The following CARMIL2 variants were observed in gnomAD, a reference collection of about 807,000 sequenced individuals.
CARMIL2 encodes capping protein, Arp2/3 and myosin-I linker protein 2.
CARMIL2 carries 96 observed loss-of-function variants against 173.3 expected under a neutral mutation model. The observed-to-expected ratio is 0.55, with a 90% CI of 0.47 to 0.66. The LOEUF (loss-of-function observed/expected upper bound fraction) is 0.66, where lower values mean the gene tolerates loss of function less well. Ranked by LOEUF, CARMIL2 falls within the 30% of genes least tolerant of loss-of-function variation. The probability of loss-of-function intolerance (pLI) is 0.00; values close to 1 mark genes in which losing one functional copy is unlikely to be tolerated. For synonymous variants in CARMIL2, 830 were observed against 817.1 expected, an observed-to-expected ratio of 1.02 and a Z score of -0.27; for missense variants, 1,771 against 1,906.7, an observed-to-expected ratio of 0.93 and a Z score of 1.33.
chr16:67,654,617 A>G lies in CARMIL2; in HGVS notation c.3507A>G (p.Thr1169=), dbSNP rs769952013. Residue 1169 remains threonine (T), a synonymous_variant, in exon 31 of 38, where the codon ACA becomes ACG. Coordinates refer to ENST00000334583, the MANE Select transcript of CARMIL2 (RefSeq NM_001013838.3). ...CCGGCAGGAGCCGACCTCGCTACAC[A>G]AGAGATAGCAAGGCCTACTCGATGA... ...DPAGRSRPRY[T]RDSKAYSMIL... The G allele has an allele frequency of 6.3e-7, 1 of 1,599,944 alleles. No homozygotes were observed. The highest frequency in any genetic ancestry group is 8.5e-7 in the Non-Finnish European group (1 of 1,172,462).
chr16:67,655,081 C>T (rs2052815656), intron 32 of CARMIL2, among the ~76,000 whole-genome samples, 181 bp downstream of exon 32: 1 of 152,244 alleles, frequency 6.6e-6, no homozygotes, highest in African/African-American at 2.4e-5. Flanking sequence ...AGGCACAGGC[C>T]ACCAGCATCT....
At position 67,657,503 on chromosome 16, in the gene CARMIL2, C is replaced by T. The variant is rs537033041; in HGVS notation, c.4293C>T (p.Gly1431=). The T allele has an allele frequency of 1.9e-5, 30 of 1,612,830 alleles. No homozygotes were observed. The Admixed American group carries it at 2.5e-4, about 13-fold the overall frequency. Residue 1431 remains glycine, a synonymous_variant, in exon 38 of 38, where the codon GGC becomes GGT. Coordinates refer to ENST00000334583, the MANE Select transcript of CARMIL2 (RefSeq NM_001013838.3). This position sits in a 1 kb window ranked among gnomAD's most constrained non-coding sequence, Gnocchi z 4.5. ...PPSPATDQRG[G]GPNP The stretch of plus-strand genomic sequence containing the variant: ...CCCCAGCCACAGACCAAAGAGGCGG[C>T]GGCCCCAATCCCTGATCCTCTCCTC...
chr16:67,645,311 C>G, intron 1 of CARMIL2, 25 bp downstream of exon 1: 1 of 1,594,318 alleles, frequency 6.3e-7, no homozygotes, highest in Non-Finnish European at 8.5e-7. Flanking sequence ...TTCCTGCCTT[C>G]TTGGCCGGGA....
In CARMIL2 at chr16:67,648,573, C is replaced by G; in HGVS notation, c.1439+71C>G. 1 of 1,469,652 alleles carries G rather than the reference C, an allele frequency of 6.8e-7. No individual in the cohort carries two copies. The highest frequency in any genetic ancestry group is 1.2e-5 in the South Asian group (1 of 80,260). The allele number at this position is 1,469,652 out of a possible 1,614,324, so 91.0% of individuals were successfully genotyped here. ...GCCCTGGCCTTCGCCCCTCCCCGCT[C>G]CTGCTTCTGTCGCTCCCACAACCTC... On this transcript the variant is annotated intron_variant, in intron 15 of 37. Transcript: ENST00000334583. The surrounding 1 kb of genome is among the most constrained non-coding windows in gnomAD (Gnocchi z 6.1).
At chr16:67,645,975 C>CG (rs1567626215) in intron 3 of CARMIL2, 43 bp from the exon 4 acceptor site, 13 of 1,610,018 alleles carry the variant, frequency 8.1e-6, no homozygotes, top group Non-Finnish European at 1.1e-5. Context: ...TCCATGAGGG[C>CG]GGGGCTGGGG....
rs752664066 is a variant in CARMIL2 at position 67,654,329 on chromosome 16, C to T, written c.3222-3C>T. On this transcript the variant is annotated splice_region_variant and splice_polypyrimidine_tract_variant and intron_variant, in intron 30 of 37. Coordinates refer to ENST00000334583, the MANE Select transcript of CARMIL2 (RefSeq NM_001013838.3). ...TCTCGCTCACTGCTGGGTGTCCCCA[C>T]AGCTGGGCCCCCGAGGAGGACCCGG... 1 of 1,589,964 alleles carries T rather than the reference C, an allele frequency of 6.3e-7. No homozygotes were observed. The highest frequency in any genetic ancestry group is 2.3e-5 in the East Asian group (1 of 43,922).
Position 67,653,035 on chromosome 16 carries a change from G to A in CARMIL2, c.2901G>A (p.Ala967=). 2 of 1,269,284 alleles carry A rather than the reference G, an allele frequency of 1.6e-6. No individual in the cohort carries two copies. The highest frequency in any genetic ancestry group is 2.0e-6 in the Non-Finnish European group (2 of 995,000). The allele number at this position is 1,269,284 out of a possible 1,614,324, so 78.6% of individuals were successfully genotyped here. A position where few individuals can be genotyped will look rare whatever the true frequency, so the allele number is the denominator to read the frequency against. The stretch of plus-strand genomic sequence containing the variant: ...TCCCCTCAGGTGCTGCTGAGGAAGC[G>A]GAGCCGGAGCCCGAGCTGGCGGCTC... ...VPFIHSAAEE[A]EPEPELAAPG... The change falls in exon 29 of 38, where the codon GCG becomes GCA. Residue 967 remains alanine, a synonymous_variant. Transcript: ENST00000334583. The surrounding 1 kb of genome is among the most constrained non-coding windows in gnomAD (Gnocchi z 7.4).
rs745481138 is a variant in CARMIL2 at position 67,646,787 on chromosome 16, G to A, written c.537+3G>A. 8 of 1,613,970 alleles carry A rather than the reference G, an allele frequency of 5.0e-6. No homozygotes were observed. In the East Asian group the frequency reaches 1.3e-4, roughly 27 times the overall value. The stretch of plus-strand genomic sequence containing the variant: ...CTTTCCGAGAGGAGATTCAGTGGGT[G>A]AGGGTAGGGCCCTTTTGAAGGGCTC... On this transcript the variant is annotated splice_donor_region_variant and intron_variant, in intron 7 of 37. Coordinates refer to ENST00000334583, the MANE Select transcript of CARMIL2 (RefSeq NM_001013838.3). The surrounding 1 kb of genome is among the most constrained non-coding windows in gnomAD (Gnocchi z 4.6).
chr16:67,646,941 C>T lies in CARMIL2; in HGVS notation c.579C>T (p.Phe193=). Residue 193 remains phenylalanine (F), a synonymous_variant, in exon 8 of 38, where the codon TTC becomes TTT. Transcript: ENST00000334583. The surrounding 1 kb of genome is among the most constrained non-coding windows in gnomAD (Gnocchi z 4.6). ...TIYHRQGCRH[F]SLGDFSHLGS... Reference sequence around the variant, plus strand: ...ACCATCGCCAGGGCTGCCGCCATTTCAGCCTGGGAGACTTCAGCCACCTCG... The same window carrying T: ...ACCATCGCCAGGGCTGCCGCCATTTTAGCCTGGGAGACTTCAGCCACCTCG... The T allele has an allele frequency of 6.2e-7, 1 of 1,613,756 alleles. No homozygotes were observed. Among genetic ancestry groups the T allele is most frequent in the Non-Finnish European group, 8.5e-7 (1 of 1,179,874 alleles).
chr16:67,651,829 G>T lies in CARMIL2; in HGVS notation c.2572G>T (p.Ala858Ser). Residue 858 changes from alanine to serine, a missense_variant, in exon 25 of 38, where the codon GCC becomes TCC. By Grantham distance (99) the Ala-to-Ser change is moderately conservative. Coordinates refer to ENST00000334583, the MANE Select transcript of CARMIL2 (RefSeq NM_001013838.3). The surrounding 1 kb of genome is among the most constrained non-coding windows in gnomAD (Gnocchi z 4.2). Reference sequence around the variant, plus strand: ...GCTCCCAGAGCAGCTGCTGCAAGATGCCTTCACTAGGCTCAGGTAGGCTGG... The same window carrying T: ...GCTCCCAGAGCAGCTGCTGCAAGATTCCTTCACTAGGCTCAGGTAGGCTGG... ...ELLPEQLLQD[A>S]FTRLRDMRLS... 1.2e-6 allele frequency: 2 copies of T among 1,612,328 alleles called. No homozygotes were observed. Among genetic ancestry groups the T allele is most frequent in the Non-Finnish European group, 1.7e-6 (2 of 1,179,566 alleles).
Position 67,651,237 on chromosome 16 carries a change from C to G in CARMIL2, c.2235C>G (p.Gly745=). The G allele has an allele frequency of 6.2e-7, 1 of 1,613,600 alleles. No homozygotes were observed. Among genetic ancestry groups the G allele is most frequent in the South Asian group, 1.1e-5 (1 of 91,088 alleles). ...TGCAGGAGCATGTGGAGCTGCTGGG[C>G]TGTGGGGCTGGGCCCCAGGGTGAAG... ...QSVQEHVELL[G]CGAGPQGEAA... The change falls in exon 23 of 38, where the codon GGC becomes GGG. Residue 745 remains glycine, a synonymous_variant. Coordinates refer to ENST00000334583, the MANE Select transcript of CARMIL2 (RefSeq NM_001013838.3). This position sits in a 1 kb window ranked among gnomAD's most constrained non-coding sequence, Gnocchi z 4.2.
Position 67,647,493 on chromosome 16 carries a change from G to T in CARMIL2, c.777-15G>T. On this transcript the variant is annotated splice_polypyrimidine_tract_variant and intron_variant, in intron 10 of 37. Coordinates refer to ENST00000334583, the MANE Select transcript of CARMIL2 (RefSeq NM_001013838.3). The stretch of plus-strand genomic sequence containing the variant: ...AACCAGGGGCAGAATCTCATGCCTG[G>T]GGTCTGGTCCCCAGAGACTTTGTCC... The T allele has an allele frequency of 6.3e-7, 1 of 1,590,850 alleles. No individual in the cohort carries two copies. Among genetic ancestry groups the T allele is most frequent in the East Asian group, 2.3e-5 (1 of 43,892 alleles).
In CARMIL2 at chr16:67,646,694, C is replaced by T; in HGVS notation, c.467-20C>T. 1 of 1,613,120 alleles carries T rather than the reference C, an allele frequency of 6.2e-7. No homozygotes were observed. Among genetic ancestry groups the T allele is most frequent in the Non-Finnish European group, 8.5e-7 (1 of 1,179,158 alleles). ...TTTGTCTCTCTCCTTTTCCACATCG[C>T]ACCCCTATCCCCTCCCCAGGTGGCT... On this transcript the variant is annotated intron_variant, in intron 6 of 37. Coordinates refer to ENST00000334583, the MANE Select transcript of CARMIL2 (RefSeq NM_001013838.3). This position sits in a 1 kb window ranked among gnomAD's most constrained non-coding sequence, Gnocchi z 4.6.
chr16:67,654,143 C>T lies in CARMIL2; in HGVS notation c.3121-6C>T, dbSNP rs2052787351. On this transcript the variant is annotated splice_region_variant and splice_polypyrimidine_tract_variant and intron_variant, in intron 29 of 37. Transcript: ENST00000334583. Reference sequence around the variant, plus strand: ...CCCTGACCCCTGACCCCATGATGCCCCCCAGGTACCCCCAGCCTTGCCGCA... The same window carrying T: ...CCCTGACCCCTGACCCCATGATGCCTCCCAGGTACCCCCAGCCTTGCCGCA... The T allele has an allele frequency of 6.5e-7, 1 of 1,548,740 alleles. No individual in the cohort carries two copies. The highest frequency in any genetic ancestry group is 8.7e-7 in the Non-Finnish European group (1 of 1,146,720).
chr16:67,645,212 C>G lies in CARMIL2; in HGVS notation c.-35C>G. On this transcript the variant is annotated 5_prime_UTR_variant, in exon 1 of 38. Transcript: ENST00000334583. ...GCGCTCGTCCTCTGCTGTTTCCCGC[C>G]GGAGCTCGTTGGGCCTCCCCGGCCC... The G allele has an allele frequency of 6.5e-7, 1 of 1,545,640 alleles. No individual in the cohort carries two copies. The highest frequency in any genetic ancestry group is 8.8e-7 in the Non-Finnish European group (1 of 1,142,012).
In CARMIL2 at chr16:67,648,792, G is replaced by C. The variant is rs770624867; in HGVS notation, c.1509+38G>C. On this transcript the variant is annotated intron_variant, in intron 16 of 37. Transcript: ENST00000334583. This position sits in a 1 kb window ranked among gnomAD's most constrained non-coding sequence, Gnocchi z 6.1. ...CCCCAGAAGAGACCACACATTGGGAGAGGCGCTGGGAGGCGGAAGGGCAGG... is the reference window on the plus strand; with the variant it reads ...CCCCAGAAGAGACCACACATTGGGACAGGCGCTGGGAGGCGGAAGGGCAGG... 4 of 1,569,686 alleles carry C rather than the reference G, an allele frequency of 2.5e-6. No homozygotes were observed. The South Asian group carries it at 3.5e-5, about 14-fold the overall frequency.
rs1447421537 is a variant in CARMIL2, at chr16:67,649,046, C to T, written c.1592-30C>T. 5 of 1,606,568 alleles carry T rather than the reference C, an allele frequency of 3.1e-6. No individual in the cohort carries two copies. The highest frequency in any genetic ancestry group is 4.2e-6 in the Non-Finnish European group (5 of 1,176,722). The stretch of plus-strand genomic sequence containing the variant: ...AATCCCCACCCTACCCTTGCAACTT[C>T]GCCTCGTGCGTGACCCGAGTCACCC... On this transcript the variant is annotated intron_variant, in intron 17 of 37. Transcript: ENST00000334583. The surrounding 1 kb of genome is among the most constrained non-coding windows in gnomAD (Gnocchi z 6.7).
Position 67,645,626 on chromosome 16 carries a change from G to C in CARMIL2, c.127G>C (p.Val43Leu). The C allele has an allele frequency of 6.2e-7, 1 of 1,613,628 alleles. No homozygotes were observed. The change falls in exon 2 of 38, where the codon GTC becomes CTC. Residue 43 changes from valine to leucine, a missense_variant. Val to Leu is a conservative substitution (Grantham distance 32). Transcript: ENST00000334583. The part of the protein sequence containing the change: ...LPGEGAVQNH[V>L]LALLRWRAYL... ...CGGGGAGGGTGCTGTGCAAAACCAT[G>C]TCCTGGTATGGGGCAGGGGACAGAG...
At position 67,656,234 on chromosome 16, in the gene CARMIL2, T is replaced by A; in HGVS notation, c.3749T>A (p.Ile1250Asn). ...EIKKAGSDGDIMDSSTEAPPI... is the reference protein window; with the variant it reads ...EIKKAGSDGDNMDSSTEAPPI... ...CCCCAGCTCCGCCTTGCAGGTGACA[T>A]TATGGACAGTTCCACGGAGGCCCCT... is the stretch of plus-strand genomic sequence containing the variant. The change falls in exon 34 of 38, where the codon ATT becomes AAT. Residue 1250 changes from isoleucine to asparagine, a missense_variant. By Grantham distance (149) the Ile-to-Asn change is moderately radical. This residue lies in a region of CARMIL2 where 817 missense variants were observed against 903.5 expected (regional missense o/e 0.90). Transcript: ENST00000334583. 1 of 1,613,912 alleles carries A rather than the reference T, an allele frequency of 6.2e-7. No homozygotes were observed. Among genetic ancestry groups the A allele is most frequent in the Non-Finnish European group, 8.5e-7 (1 of 1,179,878 alleles).
Sources: allele counts gnomAD v4.1 joint callset (sites outside exome capture counted in the v4.1 genomes callset), GRCh38; gene constraint gnomAD v4.1.1; regional missense constraint gnomAD v4.1.1; non-coding constraint Gnocchi (gnomAD v3.1); transcripts MANE v1.5; gene names NCBI Gene and HGNC (gene_info 2026-07-23, HGNC 2026-07-21).